Variants in CCDC91 observed in about 807,000 individuals in gnomAD.
The protein encoded by CCDC91 is coiled-coil domain-containing protein 91.
Under a neutral mutation model 63.2 loss-of-function variants are expected in CCDC91, and 48 were observed. The ratio of observed to expected loss-of-function variants is 0.76; its 90% CI spans 0.60 to 0.97. The LOEUF is 0.97. Among genes scored for constraint, CCDC91 ranks in the 50% least tolerant of loss-of-function variants. The pLI, the probability that CCDC91 is intolerant of heterozygous loss-of-function variation, is 0.00. For missense variants in CCDC91, 500 were observed against 494.6 expected (o/e 1.01, Z -0.10); for synonymous variants, 167 against 165.8 (o/e 1.01, Z -0.06).
At chr12:28,280,489 CT>C (rs1948532873) in intron 3 of CCDC91, among the ~76,000 whole-genome samples, 1 of 151,972 alleles carries the variant, frequency 6.6e-6, no homozygotes, top group African/African-American at 2.4e-5. Flanking sequence ...ACTGATCTTA[CT>C]GTAGTTGTCA....
chr12:28,266,486 G>A (rs955040651), intron 3 of CCDC91, among the ~76,000 whole-genome samples: 1 of 151,996 alleles, frequency 6.6e-6, no homozygotes, highest in Non-Finnish European at 1.5e-5. Context: ...TGGTTTAACT[G>A]TGTGGTATAA....
chr12:28,494,367 CAA>C (rs1353549222), intron 12 of CCDC91, among the ~76,000 whole-genome samples: 1 of 151,690 alleles, frequency 6.6e-6, no homozygotes, highest in Admixed American at 6.6e-5. Context: ...ATAAATACCA[CAA>C]AGAGTTCCAC....
At chr12:28,413,011 T>C (rs916923548) in intron 8 of CCDC91, 3 of 184,406 alleles carry the variant, frequency 1.6e-5, no homozygotes, top group Non-Finnish European at 3.4e-5. Context: ...ATTAATAGGC[T>C]TTACTAACTG....
intron 12 of CCDC91, among the ~76,000 whole-genome samples, chr12:28,488,572 A>T (rs919113494): frequency 6.6e-6 from 1 of 151,526 alleles, no homozygotes; most frequent in Non-Finnish European, 1.5e-5. Flanking sequence ...AATCCTGAGG[A>T]AAAAAAAGGA....
At chr12:28,537,008 A>G (rs185842013) in intron 12 of CCDC91, among the ~76,000 whole-genome samples, 171 of 152,264 alleles carry the variant, frequency 1.1e-3, no homozygotes, top group Non-Finnish European at 1.9e-3. Context: ...GGGAAAACCT[A>G]CTATCATATT....
intron 6 of CCDC91, among the ~76,000 whole-genome samples, chr12:28,308,193 T>A (rs78562240): frequency 6.6e-6 from 1 of 152,028 alleles, no homozygotes; most frequent in African/African-American, 2.4e-5. Flanking sequence ...ATCTTTCTAA[T>A]TGCTAAGACT....
chr12:28,438,860 T>C (rs548045683), intron 8 of CCDC91, among the ~76,000 whole-genome samples: 1 of 152,312 alleles, frequency 6.6e-6, no homozygotes, highest in East Asian at 1.9e-4. Context: ...TAGGCACTCA[T>C]AGGGAATAAT....
intron 6 of CCDC91, among the ~76,000 whole-genome samples, chr12:28,350,531 T>G (rs1473222342): frequency 6.6e-6 from 1 of 152,176 alleles, no homozygotes. Context: ...TTTTGGTGTG[T>G]GAAGGAAGAA....
intron 12 of CCDC91, among the ~76,000 whole-genome samples, chr12:28,487,718 C>G (rs1209810300): frequency 6.6e-6 from 1 of 151,466 alleles, no homozygotes; most frequent in Non-Finnish European, 1.5e-5. Context: ...CCCGATAGAC[C>G]TTGTTTCCAA....
intron 8 of CCDC91, among the ~76,000 whole-genome samples, chr12:28,443,314 T>G (rs561897589): frequency 1.3e-5 from 2 of 152,038 alleles, no homozygotes; most frequent in South Asian, 4.2e-4. Context: ...GAACTATAAT[T>G]TGCTGCCCTC....
chr12:28,427,254 G>C (rs552645892), intron 8 of CCDC91, among the ~76,000 whole-genome samples: 12 of 152,064 alleles, frequency 7.9e-5, no homozygotes, highest in South Asian at 4.1e-4. Context: ...GCTAGAGCGC[G>C]CTGGAATCTT....
chr12:28,451,553 T>C (rs549158559), intron 10 of CCDC91, among the ~76,000 whole-genome samples: 1 of 151,730 alleles, frequency 6.6e-6, no homozygotes, highest in South Asian at 2.1e-4. Flanking sequence ...CCTGATGAGA[T>C]TTATGGTAAC....
intron 8 of CCDC91, among the ~76,000 whole-genome samples, chr12:28,402,520 A>ATTTTTTTTTTTTTTTTTTTTT (rs57398967): frequency 3.9e-5 from 2 of 51,938 alleles, no homozygotes; most frequent in Non-Finnish European, 6.7e-5. Flanking sequence ...AGTTCCAGGA[A>ATTTTTTTTTTTTTTTTTTTTT]TTTTTTTTTT....
rs745523810 is a variant in CCDC91 at position 28,306,719 on chromosome 12, AT to A, written c.268-12del. 0.093 allele frequency: 89,828 copies of A among 964,478 alleles called. 37 individuals are homozygous for A. Among genetic ancestry groups the A allele is most frequent in the South Asian group, 0.13 (6,136 of 48,780 alleles). 59.7% of individuals were successfully genotyped at this position (964,478 alleles called of 1,614,324 possible). A position where few individuals can be genotyped will look rare whatever the true frequency, so the allele number is the denominator to read the frequency against. On this transcript the variant is annotated intron_variant, in intron 4 of 12. Coordinates refer to ENST00000536442, the MANE Select transcript of CCDC91 (RefSeq NM_018318.5). ...TAGTGTAAACTTTCCTCTCTTGTGT[AT>A]TTTTTTTTTTATGTGGTTTAGATTC...
intron 1 of CCDC91, among the ~76,000 whole-genome samples, chr12:28,231,562 G>C (rs1944604016): frequency 6.6e-6 from 1 of 152,120 alleles, no homozygotes; most frequent in Non-Finnish European, 1.5e-5. Context: ...AGTGAAGAGT[G>C]TATTTCAGGA....
intron 12 of CCDC91, among the ~76,000 whole-genome samples, chr12:28,502,167 G>A (rs1170599411): frequency 2.0e-5 from 3 of 151,684 alleles, no homozygotes; most frequent in Non-Finnish European, 4.4e-5. Context: ...GCTCATGATT[G>A]TATATCTAGA....
At chr12:28,229,522 C>T (rs1458172998) in intron 1 of CCDC91, among the ~76,000 whole-genome samples, 3 of 152,130 alleles carry the variant, frequency 2.0e-5, no homozygotes, top group Non-Finnish European at 4.4e-5. Context: ...AATAGCTAGC[C>T]ATGTAAACAT....
At chr12:28,272,311 G>T (rs1947827039) in intron 3 of CCDC91, among the ~76,000 whole-genome samples, 2 of 151,700 alleles carry the variant, frequency 1.3e-5, no homozygotes, top group South Asian at 4.2e-4. Flanking sequence ...TTAATTATGG[G>T]AAGTTTTATT....
intron 11 of CCDC91, among the ~76,000 whole-genome samples, chr12:28,483,513 C>T (rs1951553904): frequency 6.6e-6 from 1 of 152,050 alleles, no homozygotes; most frequent in Non-Finnish European, 1.5e-5. Context: ...CCCTAGATCT[C>T]TCATTTCAAA....
Sources: allele counts gnomAD v4.1 joint callset (sites outside exome capture counted in the v4.1 genomes callset), GRCh38; gene constraint gnomAD v4.1.1; transcripts MANE v1.5; gene names NCBI Gene and HGNC (gene_info 2026-07-23, HGNC 2026-07-21).